The following RABGAP1L variants were observed in gnomAD, a reference collection of about 807,000 sequenced individuals.
The protein encoded by RABGAP1L is RAB GTPase activating protein 1 like.
Under a neutral mutation model 137.7 loss-of-function variants are expected in RABGAP1L, and 63 were observed. That is an observed-to-expected ratio of 0.46 (90% CI 0.37 to 0.56). The LOEUF (loss-of-function observed/expected upper bound fraction) is 0.56. RABGAP1L is among the 20% of genes least tolerant of loss of function. The pLI is 0.00. For missense variants in RABGAP1L, 1,095 were observed against 1,244.0 expected (o/e 0.88, Z 1.80); for synonymous variants, 431 against 433.7 (o/e 0.99, Z 0.08).
intron 18 of RABGAP1L, among the ~76,000 whole-genome samples, chr1:174,787,713 G>A (rs1458567210): frequency 6.6e-6 from 1 of 152,098 alleles, no homozygotes; most frequent in East Asian, 1.9e-4. Context: ...TTTTGTTTTA[G>A]GAAGATAATT....
At chr1:174,625,145 T>G (rs1672850786) in intron 13 of RABGAP1L, among the ~76,000 whole-genome samples, 1 of 152,142 alleles carries the variant, frequency 6.6e-6, no homozygotes, top group African/African-American at 2.4e-5. Context: ...GTGCTGGGAT[T>G]ACAGGCATGA....
At chr1:174,776,837 A>G (rs1686564438) in intron 18 of RABGAP1L, among the ~76,000 whole-genome samples, 1 of 152,200 alleles carries the variant, frequency 6.6e-6, no homozygotes, top group Non-Finnish European at 1.5e-5. Context: ...GTACTTAGGA[A>G]AAATGTAGAG....
At chr1:174,748,803 A>C (rs1684086639) in intron 17 of RABGAP1L, among the ~76,000 whole-genome samples, 1 of 152,078 alleles carries the variant, frequency 6.6e-6, no homozygotes, top group African/African-American at 2.4e-5. Context: ...TGAGTTCAAA[A>C]GGTCAAGGCT....
In RABGAP1L at chr1:174,260,184, CTT is replaced by C. The variant is rs373089487; in HGVS notation, c.986+7596_986+7597del. On this transcript the variant is annotated intron_variant, in intron 7 of 25. Transcript: ENST00000681986. Reference sequence around the variant, plus strand: ...ACAGAGGTTTAATCAGGTTAAGTAACTTTGGTTACTTGGCCAGAAACTGGTAG... The same window carrying C: ...ACAGAGGTTTAATCAGGTTAAGTAACTGGTTACTTGGCCAGAAACTGGTAG... Among the ~76,000 whole-genome samples the C allele has an allele frequency of 3.9e-3, 588 of 152,220 alleles. 4 individuals are homozygous for C. The highest frequency in any genetic ancestry group is 0.012 in the African/African-American group (508 of 41,528).
At chr1:174,287,951 T>C (rs1676214393) in intron 10 of RABGAP1L, among the ~76,000 whole-genome samples, 1 of 152,162 alleles carries the variant, frequency 6.6e-6, no homozygotes, top group Non-Finnish European at 1.5e-5. Context: ...CTTTTTGTGA[T>C]GGCAGGCTTT....
chr1:174,906,134 C>T (rs190166545), intron 19 of RABGAP1L, among the ~76,000 whole-genome samples: 1 of 152,212 alleles, frequency 6.6e-6, no homozygotes, highest in Admixed American at 6.5e-5. Flanking sequence ...TCTTCCACCT[C>T]AGCCTCCTAA....
At chr1:174,725,813 G>A (rs1681932588) in intron 17 of RABGAP1L, among the ~76,000 whole-genome samples, 1 of 151,990 alleles carries the variant, frequency 6.6e-6, no homozygotes. Context: ...GGAAGTTAAA[G>A]AAAAGAATTG....
At chr1:174,482,837 A>G (rs530255914) in intron 13 of RABGAP1L, among the ~76,000 whole-genome samples, 45 of 152,334 alleles carry the variant, frequency 3.0e-4, no homozygotes, top group South Asian at 2.3e-3. Flanking sequence ...TTTGAGCTTC[A>G]TAATTTGAAA....
intron 24 of RABGAP1L, among the ~76,000 whole-genome samples, chr1:174,987,788 G>C (rs1220795412): frequency 1.3e-5 from 2 of 152,130 alleles, no homozygotes; most frequent in Non-Finnish European, 2.9e-5. Flanking sequence ...TTGGCAATGC[G>C]GGCATGTGGT....
chr1:174,598,033 T>G (rs1482572879), intron 13 of RABGAP1L, among the ~76,000 whole-genome samples: 1 of 152,108 alleles, frequency 6.6e-6, no homozygotes, highest in African/African-American at 2.4e-5. Flanking sequence ...TGATTTCAGG[T>G]TTTAAAAACA....
chr1:174,721,662 G>A (rs1175590163), intron 17 of RABGAP1L, among the ~76,000 whole-genome samples: 1 of 152,202 alleles, frequency 6.6e-6, no homozygotes, highest in Non-Finnish European at 1.5e-5. Flanking sequence ...GGAAGAACAA[G>A]ATGGAACTTT....
chr1:174,812,064 T>A, intron 19 of RABGAP1L, 104 bp downstream of exon 19: 1 of 1,085,480 alleles, frequency 9.2e-7, no homozygotes, highest in Non-Finnish European at 1.2e-6. Flanking sequence ...TGATTATGTT[T>A]AAGATTAGAT....
intron 18 of RABGAP1L, among the ~76,000 whole-genome samples, chr1:174,756,454 A>G (rs962555634): frequency 2.6e-5 from 4 of 152,024 alleles, no homozygotes; most frequent in African/African-American, 7.3e-5. Context: ...CCTGCCCTGT[A>G]CCATATATAT....
intron 19 of RABGAP1L, among the ~76,000 whole-genome samples, chr1:174,907,234 G>A (rs1264149573): frequency 6.6e-6 from 1 of 152,126 alleles, no homozygotes; most frequent in Non-Finnish European, 1.5e-5. Context: ...AAAGTCAAAA[G>A]GGGGAGGCAG....
intron 13 of RABGAP1L, among the ~76,000 whole-genome samples, chr1:174,481,903 G>GA (rs200531757): frequency 3.0e-4 from 42 of 141,002 alleles, no homozygotes; most frequent in African/African-American, 7.1e-4. Flanking sequence ...GAAAAAAAAA[G>GA]AAAAAAAAAA....
intron 13 of RABGAP1L, among the ~76,000 whole-genome samples, chr1:174,467,634 G>T (rs905608799): frequency 2.6e-5 from 4 of 152,128 alleles, no homozygotes; most frequent in African/African-American, 9.7e-5. Flanking sequence ...TATATAATAT[G>T]TTTAATCCTT....
intron 13 of RABGAP1L, among the ~76,000 whole-genome samples, chr1:174,581,044 A>G (rs1370044810): frequency 1.3e-5 from 2 of 152,176 alleles, no homozygotes; most frequent in Non-Finnish European, 2.9e-5. Context: ...GGATGTAGAG[A>G]AATTGGGACC....
intron 23 of RABGAP1L, 59 bp from the exon 24 acceptor site, chr1:174,982,775 G>C (rs1671248766): frequency 4.1e-6 from 6 of 1,469,226 alleles, no homozygotes; most frequent in Non-Finnish European, 4.7e-6. Flanking sequence ...AAGTAGTTAT[G>C]TGTACATGCT....
intron 13 of RABGAP1L, among the ~76,000 whole-genome samples, chr1:174,409,021 A>G (rs988090407): frequency 6.6e-6 from 1 of 151,838 alleles, no homozygotes; most frequent in African/African-American, 2.4e-5. Context: ...TTTTCTGTTT[A>G]CTCTATTGAT....
Sources: allele counts gnomAD v4.1 joint callset (sites outside exome capture counted in the v4.1 genomes callset), GRCh38; gene constraint gnomAD v4.1.1; transcripts MANE v1.5; gene names NCBI Gene and HGNC (gene_info 2026-07-23, HGNC 2026-07-21).